PTDSS2: variants seen among roughly 807,000 people sequenced by gnomAD.
PTDSS2 encodes PSS-2.
In PTDSS2, 41 loss-of-function variants were observed where a neutral mutation model predicts 64.7. The ratio of observed to expected loss-of-function variants is 0.63; its 90% CI spans 0.49 to 0.82. The LOEUF is 0.82. Ranked by LOEUF, PTDSS2 falls within the 40% of genes least tolerant of loss-of-function variation. The probability of loss-of-function intolerance (pLI) is 0.00; values close to 1 mark genes in which losing one functional copy is unlikely to be tolerated. For missense variants in PTDSS2, 485 were observed against 650.0 expected, an observed-to-expected ratio of 0.75 and a Z score of 2.76; for synonymous variants, 297 against 277.8, an observed-to-expected ratio of 1.07 and a Z score of -0.69.
rs1847829632 is a variant in PTDSS2, at chr11:476,865, C to T, written c.368-2220C>T. The stretch of plus-strand genomic sequence containing the variant: ...TTGGCATAAATTCCATATTACTTTG[C>T]CAATCTTCGATTTATTGACGGGGAA... On this transcript the variant is annotated intron_variant, in intron 3 of 11. Transcript: ENST00000308020. This position sits in a 1 kb window ranked among gnomAD's most constrained non-coding sequence, Gnocchi z 4.9. 6.6e-6 allele frequency among the ~76,000 whole-genome samples: 1 copy of T among 152,224 alleles called. No individual in the cohort carries two copies. The highest frequency in any genetic ancestry group is 2.1e-4 in the South Asian group (1 of 4,834).
In PTDSS2 at chr11:490,001, A is replaced by G. The variant is rs1848596593; in HGVS notation, c.1234A>G (p.Ile412Val). 2 of 1,611,990 alleles carry G rather than the reference A, an allele frequency of 1.2e-6. No homozygotes were observed. The highest frequency in any genetic ancestry group is 1.6e-4 in the Middle Eastern group (1 of 6,084). Residue 412 changes from isoleucine to valine, a missense_variant, in exon 11 of 12, where the codon ATC becomes GTC. Physicochemically the swap from Ile to Val is conservative, Grantham distance 29 (BLOSUM62 3). Around this residue, in one of 3 missense-constraint regions of PTDSS2, gnomAD observed 219 missense variants for 257.3 expected, o/e 0.85. Coordinates refer to ENST00000308020, the MANE Select transcript of PTDSS2 (RefSeq NM_030783.3). Reference protein sequence around the residue: ...HTLTLSLPFYISQCWTLGSVL... With the variant: ...HTLTLSLPFYVSQCWTLGSVL... ...GCTCACCCTGTCCCTGCCCTTCTAC[A>G]TCTCCCAGTGCTGGACCCTCGGCTC...
chr11:487,652 C>A (rs1218083266), intron 6 of PTDSS2, among the ~76,000 whole-genome samples, 182 bp downstream of exon 6: 8 of 152,296 alleles, frequency 5.3e-5, no homozygotes, highest in Admixed American at 1.3e-4. Flanking sequence ...AAGCCCTGAT[C>A]CTGGTCGGGT....
intron 4 of PTDSS2, among the ~76,000 whole-genome samples, chr11:483,999 A>G (rs1848184469): frequency 6.6e-6 from 1 of 152,042 alleles, no homozygotes; most frequent in Admixed American, 6.6e-5. Context: ...GAGGGAGGGG[A>G]GTTTCGTTGC....
chr11:489,782 C>G, intron 10 of PTDSS2, 49 bp downstream of exon 10: 1 of 1,582,360 alleles, frequency 6.3e-7, no homozygotes, highest in Non-Finnish European at 8.6e-7. Context: ...GGGCAGGGGC[C>G]GGAGGGCTGG....
chr11:475,167 GTGATACGGACATATTCACGCGTTTA>G (rs1847705510), intron 3 of PTDSS2, among the ~76,000 whole-genome samples: 3 of 146,392 alleles, frequency 2.0e-5, no homozygotes, highest in South Asian at 2.2e-4. Context: ...TCACGCGTTT[GTGATACGGACATATTCACGCGTTTA>G]TGATATGGAC....
intron 1 of PTDSS2, among the ~76,000 whole-genome samples, chr11:453,298 C>T (rs549178657): frequency 2.6e-5 from 4 of 152,210 alleles, no homozygotes; most frequent in South Asian, 2.1e-4. Flanking sequence ...GCAGCTCATG[C>T]GGTCTGGAAA....
intron 2 of PTDSS2, among the ~76,000 whole-genome samples, chr11:467,935 A>G (rs1847215707): frequency 6.6e-6 from 1 of 152,134 alleles, no homozygotes; most frequent in Non-Finnish European, 1.5e-5. Context: ...CCAGGAGTTC[A>G]AGACCAGCCT....
intron 2 of PTDSS2, among the ~76,000 whole-genome samples, chr11:472,826 C>T (rs372627928): frequency 3.3e-5 from 5 of 152,180 alleles, no homozygotes; most frequent in African/African-American, 1.2e-4. Context: ...CACGAACGTG[C>T]GTGTGTGTGT....
At position 479,701 on chromosome 11, in the gene PTDSS2, T is replaced by G. The variant is rs910761460; in HGVS notation, c.435+549T>G. 4.0e-5 allele frequency among the ~76,000 whole-genome samples: 6 copies of G among 150,954 alleles called. No individual in the cohort carries two copies. The highest frequency in any genetic ancestry group is 1.5e-4 in the African/African-American group (6 of 40,716). ...GTTGACCAGTGTGACTGTGTGTGCT[T>G]CTTCCCCATCCTGACCACATTCTGC... On this transcript the variant is annotated intron_variant, in intron 4 of 11. Transcript: ENST00000308020. The surrounding 1 kb of genome is among the most constrained non-coding windows in gnomAD (Gnocchi z 4.2).
chr11:475,690 A>T (rs1847772788), intron 3 of PTDSS2, among the ~76,000 whole-genome samples: 1 of 152,146 alleles, frequency 6.6e-6, no homozygotes, highest in Admixed American at 6.6e-5. Flanking sequence ...TTTTAAAATG[A>T]CTTTAATCAT....
chr11:485,224 GGC>G (rs1848281405), intron 4 of PTDSS2, among the ~76,000 whole-genome samples: 1 of 138,202 alleles, frequency 7.2e-6, no homozygotes, highest in Non-Finnish European at 1.5e-5. Context: ...ACTGTGCGCA[GGC>G]GAGTGTAAAC....
chr11:463,797 CA>C (rs1249242278), intron 2 of PTDSS2: 3 of 152,206 alleles, frequency 2.0e-5, no homozygotes, highest in African/African-American at 7.2e-5. Flanking sequence ...CCGCCCGCCT[CA>C]GCCTCCCAAA....
At chr11:451,149 G>T (rs1198341541) in intron 1 of PTDSS2, among the ~76,000 whole-genome samples, 3 of 152,198 alleles carry the variant, frequency 2.0e-5, no homozygotes, top group Non-Finnish European at 4.4e-5. Context: ...AGTGTTGTGC[G>T]TGCTTCAGGA....
chr11:458,437 C>G (rs1211304327), intron 1 of PTDSS2, among the ~76,000 whole-genome samples: 1 of 151,084 alleles, frequency 6.6e-6, no homozygotes, highest in Non-Finnish European at 1.5e-5. Flanking sequence ...GATCTCCTGA[C>G]CTCGTGATCC....
At position 460,190 on chromosome 11, in the gene PTDSS2, A is replaced by T. The variant is rs1846811483; in HGVS notation, c.186A>T (p.Arg62=). Residue 62 remains arginine (R), a synonymous_variant, in exon 2 of 12, where the codon CGA becomes CGT. Coordinates refer to ENST00000308020, the MANE Select transcript of PTDSS2 (RefSeq NM_030783.3). The surrounding 1 kb of genome is among the most constrained non-coding windows in gnomAD (Gnocchi z 5.8). The part of the protein sequence containing the change: ...YDDGTNTFFW[R]AHTLTVLFIL... ...CTTATGCGTTTTTGGATTTCAGGCG[A>T]GCCCACACCTTAACCGTGCTCTTCA... 4.3e-6 allele frequency: 7 copies of T among 1,614,072 alleles called. No individual in the cohort carries two copies. Among genetic ancestry groups the T allele is most frequent in the Non-Finnish European group, 5.9e-6 (7 of 1,179,966 alleles).
At position 490,449 on chromosome 11, in the gene PTDSS2, G is replaced by A. The variant is rs370331186; in HGVS notation, c.1331G>A (p.Arg444Gln). 44 of 1,613,158 alleles carry A rather than the reference G, an allele frequency of 2.7e-5. No homozygotes were observed. Among genetic ancestry groups the A allele is most frequent in the East Asian group, 1.8e-4 (8 of 44,892 alleles). Reference protein sequence around the residue: ...RDITLRYKETRWQKWQNKDDQ... With the variant: ...RDITLRYKETQWQKWQNKDDQ... ...ATCACATTGAGGTACAAGGAGACCCGGTGGCAGAAGTGGCAGAACAAGGAT... is the reference window on the plus strand; with the variant it reads ...ATCACATTGAGGTACAAGGAGACCCAGTGGCAGAAGTGGCAGAACAAGGAT... Residue 444 changes from arginine (R) to glutamine (Q), a missense_variant, in exon 12 of 12, where the codon CGG (arginine) becomes CAG (glutamine). Transcript: ENST00000308020.
rs773907565 is a variant in PTDSS2 at position 488,225 on chromosome 11, G to A, written c.648G>A (p.Met216Ile). ...CCCTGATGATCCGAGACTGGTGGATGTGCATGATCATCAGCGTGATGTTCG... is the reference window on the plus strand; with the variant it reads ...CCCTGATGATCCGAGACTGGTGGATATGCATGATCATCAGCGTGATGTTCG... ...LKTLMIRDWW[M>I]CMIISVMFEF... Residue 216 changes from methionine (M) to isoleucine (I), a missense_variant, in exon 7 of 12, where the codon ATG (methionine) becomes ATA (isoleucine). Physicochemically the swap from Met to Ile is conservative, Grantham distance 10. Coordinates refer to ENST00000308020, the MANE Select transcript of PTDSS2 (RefSeq NM_030783.3). 4 of 1,613,434 alleles carry A rather than the reference G, an allele frequency of 2.5e-6. No individual in the cohort carries two copies. The highest frequency in any genetic ancestry group is 3.4e-6 in the Non-Finnish European group (4 of 1,179,852).
At chr11:475,327 T>A (rs1847733257) in intron 3 of PTDSS2, among the ~76,000 whole-genome samples, 1 of 151,180 alleles carries the variant, frequency 6.6e-6, no homozygotes, top group African/African-American at 2.4e-5. Context: ...GTTTGTGTGA[T>A]ACGGACATTC....
chr11:467,810 T>C (rs1252619141), intron 2 of PTDSS2, among the ~76,000 whole-genome samples: 1 of 152,032 alleles, frequency 6.6e-6, no homozygotes, highest in Non-Finnish European at 1.5e-5. Context: ...TGAATATTTA[T>C]CCAACTGAAT....
Sources: allele counts gnomAD v4.1 joint callset (sites outside exome capture counted in the v4.1 genomes callset), GRCh38; gene constraint gnomAD v4.1.1; regional missense constraint gnomAD v4.1.1; non-coding constraint Gnocchi (gnomAD v3.1); transcripts MANE v1.5; gene names NCBI Gene and HGNC (gene_info 2026-07-23, HGNC 2026-07-21).